The following FGD4 variants were observed in gnomAD, a reference collection of about 807,000 sequenced individuals.
The protein encoded by FGD4 is FYVE, RhoGEF and PH domain-containing protein 4.
FGD4 carries 42 observed loss-of-function variants against 102.0 expected under a neutral mutation model. The ratio of observed to expected loss-of-function variants is 0.41; its 90% confidence interval spans 0.32 to 0.53. FGD4 has a LOEUF of 0.53. Ranked by LOEUF, FGD4 falls within the 20% of genes least tolerant of loss-of-function variation. The probability of loss-of-function intolerance (pLI) is 0.21; values close to 1 mark genes in which losing one functional copy is unlikely to be tolerated. For missense variants in FGD4, 902 were observed against 1,078.2 expected (o/e 0.84, Z 2.29); for synonymous variants, 380 against 375.7 (o/e 1.01, Z -0.13).
chr12:32,460,662 T>C lies in FGD4; in HGVS notation c.166+60703T>C, dbSNP rs141999146. 1.5e-3 allele frequency among the ~76,000 whole-genome samples: 227 copies of C among 152,302 alleles called. 4 individuals are homozygous for C. In the East Asian group the frequency reaches 0.022, roughly 15 times the overall value. ...AAACTTGAAACAACTTAGAGAAAGA[T>C]GCTGGAAAACTAAGGCAAAGAAAGA... On this transcript the variant is annotated intron_variant, in intron 1 of 16. Transcript: ENST00000534526.
At chr12:32,532,481 G>C (rs1941895994) in intron 1 of FGD4, among the ~76,000 whole-genome samples, 1 of 152,112 alleles carries the variant, frequency 6.6e-6, no homozygotes, top group East Asian at 1.9e-4. Flanking sequence ...CTGTAAGATG[G>C]TGATAAATTA....
chr12:32,521,558 C>T (rs1288583082), intron 1 of FGD4, among the ~76,000 whole-genome samples: 1 of 152,102 alleles, frequency 6.6e-6, no homozygotes, highest in East Asian at 1.9e-4. Context: ...ATTCCCAAGT[C>T]CCTAACAATG....
intron 1 of FGD4, among the ~76,000 whole-genome samples, chr12:32,479,833 G>T (rs1591981312): frequency 8.0e-6 from 1 of 124,506 alleles, no homozygotes; most frequent in Non-Finnish European, 1.6e-5. Flanking sequence ...CTGTCACCCT[G>T]GCTGGAGTTC....
At chr12:32,499,777 A>T (rs1565778985) in intron 1 of FGD4, among the ~76,000 whole-genome samples, 1 of 152,158 alleles carries the variant, frequency 6.6e-6, no homozygotes, top group African/African-American at 2.4e-5. Context: ...ACATTTTGGG[A>T]GGCTGAGGCA....
At chr12:32,520,440 G>GTTTTTTTTTTTTTTTTTTTTTT (rs1167066001) in intron 1 of FGD4, among the ~76,000 whole-genome samples, 8 of 134,110 alleles carry the variant, frequency 6.0e-5, no homozygotes, top group Non-Finnish European at 9.6e-5. Flanking sequence ...TTTGTTTTTT[G>GTTTTTTTTTTTTTTTTTTTTTT]TTTTTTTTTT....
At chr12:32,603,859 C>T (rs1948599446) in intron 7 of FGD4, among the ~76,000 whole-genome samples, 1 of 151,964 alleles carries the variant, frequency 6.6e-6, no homozygotes, top group Non-Finnish European at 1.5e-5. Flanking sequence ...TGCGCCACCA[C>T]CCTGGCTAAA....
intron 1 of FGD4, among the ~76,000 whole-genome samples, chr12:32,473,934 A>G (rs562520349): frequency 6.6e-6 from 1 of 152,158 alleles, no homozygotes; most frequent in Admixed American, 6.5e-5. Context: ...AAAAAATACA[A>G]AAACTTAGCC....
chr12:32,445,274 T>G (rs753807040), intron 1 of FGD4, among the ~76,000 whole-genome samples: 1 of 152,236 alleles, frequency 6.6e-6, no homozygotes, highest in Non-Finnish European at 1.5e-5. Context: ...GAATACAATA[T>G]TCATAATGTG....
chr12:32,412,603 C>T (rs1387068497), intron 1 of FGD4, among the ~76,000 whole-genome samples: 1 of 152,072 alleles, frequency 6.6e-6, no homozygotes, highest in Non-Finnish European at 1.5e-5. Flanking sequence ...AGGGAGTCCC[C>T]TTTTTGTTTT....
Position 32,576,303 on chromosome 12 carries a change from G to T in FGD4, c.357G>T (p.Ser119=). Reference sequence around the variant, plus strand: ...CATTACACCTGCAGAATTCACCTTCGTCCAATATACACCAAACCCCCAGGC... The same window carrying T: ...CATTACACCTGCAGAATTCACCTTCTTCCAATATACACCAAACCCCCAGGC... The part of the protein sequence containing the change: ...PKPLHLQNSP[S]SNIHQTPRHK... The change falls in exon 3 of 17, where the codon TCG becomes TCT. Residue 119 remains serine (S), a synonymous_variant. Coordinates refer to ENST00000534526, the MANE Select transcript of FGD4 (RefSeq NM_001370298.3). 6.2e-7 allele frequency: 1 copy of T among 1,611,830 alleles called. No individual in the cohort carries two copies. Among genetic ancestry groups the T allele is most frequent in the Non-Finnish European group, 8.5e-7 (1 of 1,178,818 alleles).
intron 4 of FGD4, among the ~76,000 whole-genome samples, chr12:32,595,991 A>G (rs1947861172): frequency 6.6e-6 from 1 of 152,252 alleles, no homozygotes; most frequent in African/African-American, 2.4e-5. Flanking sequence ...TGGTGAACAT[A>G]GTGAAGTATT....
intron 10 of FGD4, among the ~76,000 whole-genome samples, chr12:32,619,366 C>T (rs1949654343): frequency 6.6e-6 from 1 of 152,078 alleles, no homozygotes; most frequent in South Asian, 2.1e-4. Context: ...CGGTGGCTCA[C>T]ACCTGTAATC....
rs749296123 is a variant in FGD4, at chr12:32,582,009, A to G, written c.553A>G (p.Asn185Asp). 1.2e-6 allele frequency: 2 copies of G among 1,614,186 alleles called. No individual in the cohort carries two copies. Among genetic ancestry groups the G allele is most frequent in the Non-Finnish European group, 1.7e-6 (2 of 1,180,030 alleles). Residue 185 changes from asparagine (N) to aspartate (D), a missense_variant, in exon 4 of 17, where the codon AAT becomes GAT. Asn to Asp is a conservative substitution (Grantham distance 23). Around this residue, in one of 2 missense-constraint regions of FGD4, gnomAD observed 443 missense variants for 459.2 expected, o/e 0.96. Coordinates refer to ENST00000534526, the MANE Select transcript of FGD4 (RefSeq NM_001370298.3). ...DLKKESAVNL[N>D]APRTPGRHGL... is the part of the protein sequence containing the mutation. ...GAAGAAAGAGTCTGCTGTGAACCTA[A>G]ATGCTCCTAGAACCCCAGGAAGGCA...
chr12:32,596,232 G>A (rs1947882876), intron 4 of FGD4, among the ~76,000 whole-genome samples: 1 of 152,192 alleles, frequency 6.6e-6, no homozygotes, highest in Non-Finnish European at 1.5e-5. Context: ...AAGCCCAAGG[G>A]CTTTGAATAG....
At chr12:32,580,882 G>A (rs774448385) in intron 3 of FGD4, among the ~76,000 whole-genome samples, 5 of 139,406 alleles carry the variant, frequency 3.6e-5, no homozygotes, top group Admixed American at 1.5e-4. Context: ...GTGAGACTCC[G>A]TCTCAAAAAA....
At chr12:32,505,868 G>A (rs2136644319) in intron 1 of FGD4, among the ~76,000 whole-genome samples, 1 of 152,178 alleles carries the variant, frequency 6.6e-6, no homozygotes, top group South Asian at 2.1e-4. Context: ...TCAGATTAAT[G>A]AAATTGTGAG....
At chr12:32,563,679 C>T (rs1230629231) in intron 1 of FGD4, among the ~76,000 whole-genome samples, 1 of 152,044 alleles carries the variant, frequency 6.6e-6, no homozygotes, top group Non-Finnish European at 1.5e-5. Flanking sequence ...TAGCGAGCCG[C>T]GATCACGCCA....
intron 1 of FGD4, among the ~76,000 whole-genome samples, chr12:32,409,530 G>T (rs890629795): frequency 2.0e-5 from 3 of 150,482 alleles, no homozygotes; most frequent in Non-Finnish European, 4.4e-5. Context: ...CAGGTGATCC[G>T]CCTGCCTCGG....
rs191660718 is a variant in FGD4 at position 32,514,506 on chromosome 12, C to T, written c.167-49631C>T. Among the ~76,000 whole-genome samples, 224 of 152,004 alleles carry T rather than the reference C, an allele frequency of 1.5e-3. 1 individual carries two copies. Among genetic ancestry groups the T allele is most frequent in the Non-Finnish European group, 2.2e-3 (151 of 67,976 alleles). On this transcript the variant is annotated intron_variant, in intron 1 of 16. Coordinates refer to ENST00000534526, the MANE Select transcript of FGD4 (RefSeq NM_001370298.3). ...CCCAAATAGACTGTGTTCCTGAGGC[C>T]AGGAAGCTTTTTGTTTTTGTTTTGA...
Sources: allele counts gnomAD v4.1 joint callset (sites outside exome capture counted in the v4.1 genomes callset), GRCh38; gene constraint gnomAD v4.1.1; regional missense constraint gnomAD v4.1.1; transcripts MANE v1.5; gene names NCBI Gene and HGNC (gene_info 2026-07-23, HGNC 2026-07-21).